ASTN2: variants seen among roughly 807,000 people sequenced by gnomAD.
ASTN2 encodes astrotactin 2, also known as astrotactin-2.
A neutral mutation model predicts 139.8 loss-of-function variants in ASTN2; 54 were observed. That is an observed-to-expected ratio of 0.39 (90% CI 0.31 to 0.48). The LOEUF is 0.48. Among genes scored for constraint, ASTN2 ranks in the 20% least tolerant of loss-of-function variants. ASTN2 has a pLI of 0.95. For missense variants in ASTN2, 1,565 were observed against 1,725.1 expected, an observed-to-expected ratio of 0.91 and a Z score of 1.64; for synonymous variants, 756 against 719.5, an observed-to-expected ratio of 1.05 and a Z score of -0.81.
intron 14 of ASTN2, 113 bp downstream of exon 14, chr9:116,733,286 G>A: frequency 7.1e-7 from 1 of 1,403,618 alleles, no homozygotes; most frequent in Non-Finnish European, 9.8e-7. Context: ...TCCTCATGAA[G>A]GAGGAGGCTT....
rs141782182 is a variant in ASTN2, at chr9:116,463,532, C to T, written c.3498-20979G>A. ...TCAGCCTATGGGCTTTTGCTGTGTC[C>T]CTGCTGAATGTTCTCTCTGCCTATA... On this transcript the variant is annotated intron_variant, in intron 20 of 22. Coordinates refer to ENST00000313400, the MANE Select transcript of ASTN2 (RefSeq NM_001365068.1). Among the ~76,000 whole-genome samples the T allele has an allele frequency of 5.6e-3, 856 of 152,254 alleles. 5 individuals carry two copies. Among genetic ancestry groups the T allele is most frequent in the Non-Finnish European group, 7.3e-3 (500 of 68,030 alleles).
chr9:117,111,876 T>C (rs1829259201), intron 4 of ASTN2, among the ~76,000 whole-genome samples: 1 of 152,048 alleles, frequency 6.6e-6, no homozygotes. Context: ...AAAGATGACA[T>C]AATTATTTAT....
chr9:117,125,980 C>G (rs568486885), intron 4 of ASTN2, among the ~76,000 whole-genome samples: 105 of 152,114 alleles, frequency 6.9e-4, no homozygotes, highest in African/African-American at 2.4e-3. Flanking sequence ...ACAATTAGAC[C>G]TTGTACATCA....
At chr9:117,125,108 T>C (rs1237569076) in intron 4 of ASTN2, among the ~76,000 whole-genome samples, 1 of 152,230 alleles carries the variant, frequency 6.6e-6, no homozygotes, top group Non-Finnish European at 1.5e-5. Context: ...AGTATTCCCT[T>C]CTAATGGGGT....
chr9:116,882,651 C>A (rs910853096), intron 10 of ASTN2, among the ~76,000 whole-genome samples: 26 of 152,060 alleles, frequency 1.7e-4, no homozygotes, highest in Non-Finnish European at 2.8e-4. Flanking sequence ...CCAATGTCTT[C>A]ATTTGTATTT....
intron 11 of ASTN2, among the ~76,000 whole-genome samples, chr9:116,821,969 G>A (rs1348472103): frequency 6.6e-6 from 1 of 151,972 alleles, no homozygotes; most frequent in Non-Finnish European, 1.5e-5. Context: ...AGAAAATGAG[G>A]TACTGGGTTT....
chr9:116,868,694 A>C (rs1398541245), intron 10 of ASTN2, among the ~76,000 whole-genome samples: 2 of 152,248 alleles, frequency 1.3e-5, no homozygotes, highest in Non-Finnish European at 2.9e-5. Context: ...TCTGAAGGCC[A>C]GAAGTCCAAA....
chr9:116,504,568 T>C (rs1248286222), intron 19 of ASTN2, among the ~76,000 whole-genome samples: 1 of 152,114 alleles, frequency 6.6e-6, no homozygotes, highest in African/African-American at 2.4e-5. Flanking sequence ...TATTTCTATC[T>C]TACACTCTCA....
intron 17 of ASTN2, among the ~76,000 whole-genome samples, chr9:116,635,823 A>C (rs1857046515): frequency 6.6e-6 from 1 of 152,230 alleles, no homozygotes; most frequent in South Asian, 2.1e-4. Flanking sequence ...AAGGGCTTTG[A>C]ATTGAGCTAA....
intron 19 of ASTN2, chr9:116,585,199 C>T (rs905761408): frequency 6.6e-6 from 1 of 152,140 alleles, no homozygotes; most frequent in Non-Finnish European, 1.5e-5. Context: ...CTCAGATAGA[C>T]CTGGATTCAA....
At chr9:117,140,461 A>T (rs1023646742) in intron 4 of ASTN2, among the ~76,000 whole-genome samples, 1 of 152,170 alleles carries the variant, frequency 6.6e-6, no homozygotes, top group African/African-American at 2.4e-5. Flanking sequence ...GATAGAAAAA[A>T]AAATGGTTTG....
rs1554718677 is a variant in ASTN2, at chr9:116,597,299, A to ATTTTTGTTTTTTTT, written c.3355+21024_3355+21025insAAAAAAAACAAAAA. 2.1e-3 allele frequency among the ~76,000 whole-genome samples: 158 copies of ATTTTTGTTTTTTTT among 75,534 alleles called. 21 individuals are homozygous for ATTTTTGTTTTTTTT. Among genetic ancestry groups the ATTTTTGTTTTTTTT allele is most frequent in the South Asian group, 8.4e-3 (13 of 1,550 alleles). 49.6% of individuals were successfully genotyped at this position (75,534 alleles called of 152,430 possible). A position where few individuals can be genotyped will look rare whatever the true frequency, so the allele number is the denominator to read the frequency against. On this transcript the variant is annotated intron_variant, in intron 19 of 22. Transcript: ENST00000313400. ...CAAAATATTCCATGACTTTTGATCT[A>ATTTTTGTTTTTTTT]TTTTTTTTTTTTTTTTTTTTTTTTG... is the stretch of plus-strand genomic sequence containing the variant.
At chr9:117,363,692 A>G (rs1829755547) in intron 1 of ASTN2, among the ~76,000 whole-genome samples, 1 of 152,168 alleles carries the variant, frequency 6.6e-6, no homozygotes, top group South Asian at 2.1e-4. Context: ...AGATACAGAG[A>G]TTAGGAGGAG....
chr9:117,102,507 T>C (rs1829003382), intron 4 of ASTN2, among the ~76,000 whole-genome samples: 2 of 152,282 alleles, frequency 1.3e-5, no homozygotes, highest in African/African-American at 2.4e-5. Context: ...CACTGAATTA[T>C]ACACTTTAAA....
At chr9:117,096,269 C>T (rs1480482664) in intron 4 of ASTN2, 118 bp from the exon 5 acceptor site, 1 of 762,660 alleles carries the variant, frequency 1.3e-6, no homozygotes, top group Non-Finnish European at 2.2e-6. Flanking sequence ...AAATCCCAAG[C>T]AACCCAGGAG....
chr9:117,383,401 T>C (rs1366478980), intron 1 of ASTN2, among the ~76,000 whole-genome samples: 1 of 152,210 alleles, frequency 6.6e-6, no homozygotes, highest in African/African-American at 2.4e-5. Flanking sequence ...GCTGGGGTGA[T>C]AGAAATGTTC....
chr9:116,695,847 C>T (rs185845262), intron 16 of ASTN2, among the ~76,000 whole-genome samples: 7 of 152,214 alleles, frequency 4.6e-5, no homozygotes, highest in South Asian at 2.1e-4. Flanking sequence ...TATTGGGTGA[C>T]GCAGAGGGTA....
At chr9:116,574,545 A>T (rs377617921) in intron 19 of ASTN2, among the ~76,000 whole-genome samples, 28 of 152,358 alleles carry the variant, frequency 1.8e-4, no homozygotes, top group African/African-American at 6.5e-4. Context: ...CTGAATAAAC[A>T]GCTCACTGAT....
At chr9:116,900,371 T>C (rs1564330651) in intron 10 of ASTN2, among the ~76,000 whole-genome samples, 1 of 151,832 alleles carries the variant, frequency 6.6e-6, no homozygotes, top group Non-Finnish European at 1.5e-5. Flanking sequence ...CAGAGAAGGG[T>C]TTGTCATTTT....
Sources: allele counts gnomAD v4.1 joint callset (sites outside exome capture counted in the v4.1 genomes callset), GRCh38; gene constraint gnomAD v4.1.1; transcripts MANE v1.5; gene names NCBI Gene and HGNC (gene_info 2026-07-23, HGNC 2026-07-21).